SORCS1: variants seen among roughly 807,000 people sequenced by gnomAD.
The protein encoded by SORCS1 is VPS10 domain-containing receptor SorCS1.
Under a neutral mutation model 146.1 loss-of-function variants are expected in SORCS1, and 60 were observed. The observed-to-expected ratio is 0.41, with a 90% CI of 0.33 to 0.51. The LOEUF is 0.51. SORCS1 is among the 20% of genes least tolerant of loss of function. SORCS1 has a pLI of 0.21. For synonymous variants in SORCS1, 637 were observed against 584.0 expected, an observed-to-expected ratio of 1.09 and a Z score of -1.31; for missense variants, 1,352 against 1,487.6, an observed-to-expected ratio of 0.91 and a Z score of 1.50.
intron 3 of SORCS1, among the ~76,000 whole-genome samples, chr10:106,828,012 A>G (rs985743932): frequency 3.9e-5 from 6 of 152,218 alleles, no homozygotes; most frequent in Non-Finnish European, 8.8e-5. Flanking sequence ...AAGAATGAAG[A>G]GAAAACATTA....
intron 1 of SORCS1, among the ~76,000 whole-genome samples, chr10:107,033,774 GCTTTT>G (rs1189582748): frequency 6.6e-6 from 1 of 152,050 alleles, no homozygotes; most frequent in Non-Finnish European, 1.5e-5. Context: ...AGTTTTTGCT[GCTTTT>G]CTTAAATCCT....
At chr10:107,087,429 A>G (rs922366880) in intron 1 of SORCS1, among the ~76,000 whole-genome samples, 2 of 152,214 alleles carry the variant, frequency 1.3e-5, no homozygotes, top group African/African-American at 4.8e-5. Flanking sequence ...AATATAATGG[A>G]AAGTTCCTGA....
chr10:107,066,616 C>A (rs563986827), intron 1 of SORCS1, among the ~76,000 whole-genome samples: 2 of 152,254 alleles, frequency 1.3e-5, no homozygotes, highest in East Asian at 3.9e-4. Context: ...TATCATTAAG[C>A]TTTGACTCTC....
intron 1 of SORCS1, among the ~76,000 whole-genome samples, chr10:107,072,161 G>A (rs780259504): frequency 1.9e-4 from 29 of 152,146 alleles, no homozygotes; most frequent in Non-Finnish European, 3.7e-4. Flanking sequence ...AGCAAATAAG[G>A]AACCAGCCCT....
chr10:106,598,464 G>T (rs557524212), intron 23 of SORCS1, among the ~76,000 whole-genome samples: 34 of 151,894 alleles, frequency 2.2e-4, no homozygotes, highest in African/African-American at 7.7e-4. Context: ...ATTTCACCAT[G>T]TTGGCCAGGA....
At chr10:107,178,670 G>A in the SORCS1 span, among the ~76,000 whole-genome samples, 117 of 152,036 alleles carry the variant, frequency 7.7e-4, no homozygotes, top group Non-Finnish European at 1.5e-3. Flanking sequence ...TGCATTTTTA[G>A]TAGAGATAGG....
intron 6 of SORCS1, among the ~76,000 whole-genome samples, chr10:106,729,654 C>T (rs562830509): frequency 1.5e-4 from 23 of 152,180 alleles, no homozygotes; most frequent in South Asian, 1.5e-3. Context: ...GATGAGAGGG[C>T]TGTGCTGGTA....
At chr10:107,085,177 T>A (rs1460561187) in intron 1 of SORCS1, among the ~76,000 whole-genome samples, 2 of 152,216 alleles carry the variant, frequency 1.3e-5, no homozygotes, top group East Asian at 3.8e-4. Flanking sequence ...TAGACAGAGA[T>A]GTCACTAAAT....
intron 24 of SORCS1, among the ~76,000 whole-genome samples, chr10:106,588,860 CAAAAAAAAAA>C (rs778852501): frequency 0.084 from 2,944 of 35,104 alleles, 114 homozygotes; most frequent in East Asian, 0.37. Context: ...GACTCCATCT[CAAAAAAAAAA>C]AAAAAAAAAA....
intron 1 of SORCS1, among the ~76,000 whole-genome samples, chr10:107,117,401 T>C (rs961709005): frequency 2.6e-5 from 4 of 152,142 alleles, no homozygotes; most frequent in Admixed American, 6.6e-5. Context: ...CTTTCTCAGG[T>C]TCAAAACAGG....
At chr10:106,829,142 C>T (rs1948425411) in intron 3 of SORCS1, among the ~76,000 whole-genome samples, 2 of 152,202 alleles carry the variant, frequency 1.3e-5, no homozygotes, top group African/African-American at 2.4e-5. Context: ...AATGAAACTT[C>T]CTATCTGCTG....
At chr10:106,607,920 C>T (rs1846719414) in intron 22 of SORCS1, among the ~76,000 whole-genome samples, 1 of 152,158 alleles carries the variant, frequency 6.6e-6, no homozygotes, top group Admixed American at 6.5e-5. Flanking sequence ...TGATGACCAG[C>T]CCTGTTCCCT....
intron 1 of SORCS1, among the ~76,000 whole-genome samples, chr10:107,026,931 C>T (rs901652384): frequency 2.0e-5 from 3 of 151,276 alleles, no homozygotes; most frequent in African/African-American, 7.3e-5. Context: ...CTTAAAGGGA[C>T]TCTCTAATGC....
rs1183861613 is a variant in SORCS1, at chr10:106,575,505, T to G, written c.*1915A>C. 6.6e-6 allele frequency: 1 copy of G among 152,220 alleles called. No individual in the cohort carries two copies. Among genetic ancestry groups the G allele is most frequent in the Non-Finnish European group, 1.5e-5 (1 of 68,032 alleles). 9.4% of individuals were successfully genotyped at this position (152,220 alleles called of 1,614,324 possible). A position where few individuals can be genotyped will look rare whatever the true frequency, so the allele number is the denominator to read the frequency against. On this transcript the variant is annotated 3_prime_UTR_variant, in exon 26 of 26. Coordinates refer to ENST00000263054, the MANE Select transcript of SORCS1 (RefSeq NM_052918.5). Reference sequence around the variant, plus strand: ...TTCTCCTATAGTTTATAGTGGGCTTTGCCCAGTCCATAATACTAAAGGGGC... The same window carrying G: ...TTCTCCTATAGTTTATAGTGGGCTTGGCCCAGTCCATAATACTAAAGGGGC...
At chr10:106,663,019 C>G (rs1850852883) in intron 17 of SORCS1, among the ~76,000 whole-genome samples, 1 of 152,158 alleles carries the variant, frequency 6.6e-6, no homozygotes, top group Non-Finnish European at 1.5e-5. Flanking sequence ...ACAGAAACAC[C>G]TCCAATTGCC....
chr10:106,953,272 C>A (rs1954786102), intron 2 of SORCS1, among the ~76,000 whole-genome samples: 1 of 151,760 alleles, frequency 6.6e-6, no homozygotes, highest in Admixed American at 6.6e-5. Context: ...TGCTCAAATT[C>A]CTGATAGAAG....
At chr10:106,783,871 TG>T in intron 3 of SORCS1, among the ~76,000 whole-genome samples, 1 of 152,182 alleles carries the variant, frequency 6.6e-6, no homozygotes, top group Non-Finnish European at 1.5e-5. Flanking sequence ...TTCTTATTGG[TG>T]GAGAAACATT....
chr10:106,757,198 AC>A (rs1858714738), intron 5 of SORCS1, among the ~76,000 whole-genome samples: 1 of 152,180 alleles, frequency 6.6e-6, no homozygotes, highest in African/African-American at 2.4e-5. Flanking sequence ...GACCATTGCT[AC>A]CAGAAATAAA....
chr10:107,075,959 AAAG>A lies in SORCS1; in HGVS notation c.558+88007_558+88009del, dbSNP rs375302717. Among the ~76,000 whole-genome samples the A allele has an allele frequency of 3.4e-3, 517 of 152,238 alleles. 9 individuals carry two copies. Among genetic ancestry groups the A allele is most frequent in the African/African-American group, 0.012 (493 of 41,566 alleles). The stretch of plus-strand genomic sequence containing the variant: ...CTTTCTTCTGATGTCCTTTTTGAGA[AAAG>A]AAACAAAACTTTATTATTTCAAAAG... On this transcript the variant is annotated intron_variant, in intron 1 of 25. Transcript: ENST00000263054.
Sources: gnomAD v4.1 joint callset for allele counts (sites outside exome capture counted in the v4.1 genomes callset) on GRCh38, gnomAD v4.1.1 for gene constraint, MANE v1.5 for transcripts, NCBI Gene and HGNC (gene_info 2026-07-23, HGNC 2026-07-21) for gene names.